Variants in UNC79 observed in about 807,000 individuals in gnomAD.
UNC79 encodes unc-79 subunit of NALCN channel complex.
In UNC79, 37 loss-of-function variants were observed where a neutral mutation model predicts 283.1. The ratio of observed to expected loss-of-function variants is 0.13; its 90% CI spans 0.10 to 0.17. The LOEUF is 0.17. UNC79 is among the 10% of genes least tolerant of loss of function. UNC79 has a pLI of 1.00. For missense variants in UNC79, 2,272 were observed against 3,211.1 expected (o/e 0.71, Z 7.07); for synonymous variants, 1,107 against 1,200.2 (o/e 0.92, Z 1.61).
chr14:93,488,674 A>T (rs1371907233), intron 5 of UNC79, among the ~76,000 whole-genome samples: 2 of 152,196 alleles, frequency 1.3e-5, no homozygotes, highest in Non-Finnish European at 2.9e-5. Flanking sequence ...TAAGCAGTAA[A>T]CATTTATTTT....
chr14:93,333,717 G>A (rs2053508853), intron 1 of UNC79, among the ~76,000 whole-genome samples: 1 of 152,192 alleles, frequency 6.6e-6, no homozygotes, highest in South Asian at 2.1e-4. Flanking sequence ...CCCTTGTTTG[G>A]GGGTTTGCAA....
chr14:93,651,802 C>T (rs1161724174), intron 35 of UNC79, among the ~76,000 whole-genome samples: 1 of 151,742 alleles, frequency 6.6e-6, no homozygotes, highest in African/African-American at 2.4e-5. Context: ...TGCAGTGGTG[C>T]AATCTCGGCT....
intron 14 of UNC79, among the ~76,000 whole-genome samples, chr14:93,563,851 T>C (rs1046628839): frequency 2.0e-5 from 3 of 150,912 alleles, no homozygotes; most frequent in African/African-American, 7.3e-5. Flanking sequence ...CAACAAAGAG[T>C]GAGTATAGCT....
chr14:93,624,383 T>A lies in UNC79; in HGVS notation c.5608+1542T>A, dbSNP rs183595740. Among the ~76,000 whole-genome samples, 362 of 152,284 alleles carry A rather than the reference T, an allele frequency of 2.4e-3. 3 individuals carry two copies. The highest frequency in any genetic ancestry group is 8.4e-3 in the African/African-American group (348 of 41,546). The stretch of plus-strand genomic sequence containing the variant: ...AGGCTTTCAGGGAAACTGGGACACC[T>A]TTTTATTGTTTGGGGCCAGGAACAT... On this transcript the variant is annotated intron_variant, in intron 30 of 48. Transcript: ENST00000555664.
intron 1 of UNC79, among the ~76,000 whole-genome samples, chr14:93,417,278 T>C (rs1292922846): frequency 1.3e-5 from 2 of 152,108 alleles, no homozygotes; most frequent in Non-Finnish European, 2.9e-5. Context: ...CCTTCACTTA[T>C]GAAGCTTAGT....
At chr14:93,339,732 A>G (rs764982009) in intron 1 of UNC79, among the ~76,000 whole-genome samples, 2 of 152,242 alleles carry the variant, frequency 1.3e-5, no homozygotes, top group South Asian at 2.1e-4. Flanking sequence ...AGCTCAGGAC[A>G]TTCTGTTTGT....
At chr14:93,446,145 C>T (rs1213504397) in intron 1 of UNC79, among the ~76,000 whole-genome samples, 1 of 151,996 alleles carries the variant, frequency 6.6e-6, no homozygotes, top group African/African-American at 2.4e-5. Flanking sequence ...TATACCATTT[C>T]CTTCCTTTGG....
At chr14:93,451,372 GA>G (rs1050532615) in intron 1 of UNC79, among the ~76,000 whole-genome samples, 5 of 151,190 alleles carry the variant, frequency 3.3e-5, no homozygotes, top group African/African-American at 7.3e-5. Context: ...GAAGGAAGGA[GA>G]AAAAAAAAGA....
At chr14:93,664,280 C>G (rs909787307) in intron 40 of UNC79, among the ~76,000 whole-genome samples, 4 of 151,972 alleles carry the variant, frequency 2.6e-5, no homozygotes, top group Non-Finnish European at 5.9e-5. Context: ...GTCTAGATAC[C>G]CTGAAAACCA....
At chr14:93,408,597 C>T (rs950688180) in intron 1 of UNC79, among the ~76,000 whole-genome samples, 5 of 152,084 alleles carry the variant, frequency 3.3e-5, no homozygotes, top group South Asian at 2.1e-4. Flanking sequence ...GAGGCTGAGG[C>T]GGGAAGATTG....
chr14:93,515,139 G>A (rs1379691178), intron 7 of UNC79, among the ~76,000 whole-genome samples: 1 of 151,908 alleles, frequency 6.6e-6, no homozygotes, highest in African/African-American at 2.4e-5. Context: ...TCCTAATTAT[G>A]TTTTAAATTT....
intron 14 of UNC79, among the ~76,000 whole-genome samples, chr14:93,554,665 A>C (rs2062069445): frequency 6.6e-6 from 1 of 152,180 alleles, no homozygotes; most frequent in Admixed American, 6.5e-5. Context: ...GGAAAAACTA[A>C]ATAATACCCT....
chr14:93,499,144 C>T (rs2059166114), intron 7 of UNC79, among the ~76,000 whole-genome samples: 1 of 151,988 alleles, frequency 6.6e-6, no homozygotes, highest in Non-Finnish European at 1.5e-5. Flanking sequence ...GCCCAAAATA[C>T]ATGGTAACAA....
intron 4 of UNC79, among the ~76,000 whole-genome samples, chr14:93,482,465 G>A (rs2058191003): frequency 6.6e-6 from 1 of 152,048 alleles, no homozygotes; most frequent in East Asian, 1.9e-4. Context: ...TGAAGGGATG[G>A]ACATCTTATG....
exon 23 of UNC79, chr14:93,593,786 A>G (rs189163319): frequency 6.2e-7 from 1 of 1,614,000 alleles, no homozygotes; most frequent in Non-Finnish European, 8.5e-7. Flanking sequence ...CTTCTGGACA[A>G]TCATAAATGG....
At position 93,586,642 on chromosome 14, in the gene UNC79, G is replaced by C. The variant is rs550787628; in HGVS notation, c.2850G>C (p.Pro950=). Residue 950 remains proline (P), a synonymous_variant, in exon 21 of 49, where the codon CCG becomes CCC. Transcript: ENST00000555664. Reference sequence around the variant, plus strand: ...GAAAATTTTGCTACCAACAGCTTCCGGTAACATTGAGACTAATATATACCA... The same window carrying C: ...GAAAATTTTGCTACCAACAGCTTCCCGTAACATTGAGACTAATATATACCA... 3 of 1,613,618 alleles carry C rather than the reference G, an allele frequency of 1.9e-6. No homozygotes were observed. The African/African-American group carries it at 4.0e-5, about 22-fold the overall frequency.
chr14:93,456,153 G>C (rs1291965280), intron 1 of UNC79, among the ~76,000 whole-genome samples: 2 of 152,080 alleles, frequency 1.3e-5, no homozygotes, highest in Non-Finnish European at 1.5e-5. Flanking sequence ...AGCCTGTTGA[G>C]TGCAGGTGAT....
intron 38 of UNC79, among the ~76,000 whole-genome samples, chr14:93,657,222 A>G (rs562225793): frequency 6.6e-6 from 1 of 152,220 alleles, no homozygotes; most frequent in Admixed American, 6.5e-5. Context: ...GCTACTGTAC[A>G]TCAACACACA....
At chr14:93,592,326 C>G (rs1261766560) in intron 22 of UNC79, among the ~76,000 whole-genome samples, 1 of 151,920 alleles carries the variant, frequency 6.6e-6, no homozygotes, top group East Asian at 1.9e-4. Context: ...AGGCGCCCAC[C>G]ACCACGCCCG....
Sources: gnomAD v4.1 joint callset for allele counts (sites outside exome capture counted in the v4.1 genomes callset) on GRCh38, gnomAD v4.1.1 for gene constraint, MANE v1.5 for transcripts, NCBI Gene and HGNC (gene_info 2026-07-23, HGNC 2026-07-21) for gene names.